MTX3: variants seen among roughly 807,000 people sequenced by gnomAD.
MTX3 encodes metaxin-3.
A neutral mutation model predicts 42.5 loss-of-function variants in MTX3; 27 were observed. That is an observed-to-expected ratio of 0.64 (90% confidence interval 0.47 to 0.88). The LOEUF (loss-of-function observed/expected upper bound fraction) is 0.88. Ranked by LOEUF, MTX3 falls within the 40% of genes least tolerant of loss-of-function variation. The pLI is 0.00. For synonymous variants in MTX3, 144 were observed against 132.9 expected (o/e 1.08, Z -0.57); for missense variants, 378 against 367.0 (o/e 1.03, Z -0.25).
rs1831568012 is a variant in MTX3, at chr5:79,989,189, T to A, written c.284A>T (p.Tyr95Phe). The A allele has an allele frequency of 1.2e-6, 2 of 1,609,310 alleles. No individual in the cohort carries two copies. The highest frequency in any genetic ancestry group is 2.7e-5 in the African/African-American group (2 of 74,808). ...AAGCTTCTCTTCGAGGAGAGCAATATAAGCCAATGTATCTGCCCCTTGTTT... is the reference window on the plus strand; with the variant it reads ...AAGCTTCTCTTCGAGGAGAGCAATAAAAGCCAATGTATCTGCCCCTTGTTT... ...SAKQGADTLA[Y>F]IALLEEKLLP... Residue 95 changes from tyrosine (Y) to phenylalanine (F), a missense_variant, in exon 4 of 9, where the codon TAT becomes TTT. Transcript: ENST00000512528.
chr5:79,987,881 T>C (rs1400837980), intron 6 of MTX3, among the ~76,000 whole-genome samples: 4 of 152,214 alleles, frequency 2.6e-5, no homozygotes, highest in Non-Finnish European at 5.9e-5. Context: ...AGTGGCGTGA[T>C]CTCAGCTCAC....
At chr5:79,990,562 C>A in intron 2 of MTX3, 32 bp downstream of exon 2, 1 of 1,369,354 alleles carries the variant, frequency 7.3e-7, no homozygotes, top group Non-Finnish European at 1.0e-6. Context: ...AAAAAGAGTG[C>A]AGAAAGGGGA....
Position 79,978,949 on chromosome 5 carries a change from C to A in MTX3, c.*4735G>T, listed in dbSNP as rs745802228. The A allele has an allele frequency of 1.3e-5, 2 of 152,630 alleles. No individual in the cohort carries two copies. Among genetic ancestry groups the A allele is most frequent in the African/African-American group, 2.4e-5 (1 of 41,442 alleles). 9.5% of individuals were successfully genotyped at this position (152,630 alleles called of 1,614,324 possible). ...TATTTTGTTCTGAATAATCTTCTAT[C>A]ACATTTCCCCTTCTATTCACAAACC... On this transcript the variant is annotated 3_prime_UTR_variant, in exon 9 of 9. Coordinates refer to ENST00000512528, the MANE Select transcript of MTX3 (RefSeq NM_001363818.2).
chr5:79,990,782 T>A, intron 1 of MTX3, 119 bp from the exon 2 acceptor site: 1 of 797,702 alleles, frequency 1.3e-6, no homozygotes, highest in Non-Finnish European at 2.2e-6. Context: ...TGAGGCCGCA[T>A]CCCTCCCCGT....
chr5:79,991,178 T>G lies in MTX3; in HGVS notation c.61A>C (p.Ser21Arg). ...CTCACCATCACCACCAGGGACTCGC[T>G]GTGAACCGATGGGAGTCCCCAGCCG... ...GGGWGLPSVH[S>R]ESLVVMAYAK... is the part of the protein sequence containing the mutation. The change falls in exon 1 of 9, where the codon AGC becomes CGC. Residue 21 changes from serine (S) to arginine (R), a missense_variant. Coordinates refer to ENST00000512528, the MANE Select transcript of MTX3 (RefSeq NM_001363818.2). 6.6e-7 allele frequency: 1 copy of G among 1,513,852 alleles called. No homozygotes were observed. Among genetic ancestry groups the G allele is most frequent in the East Asian group, 2.5e-5 (1 of 40,220 alleles). 93.8% of individuals were successfully genotyped at this position (1,513,852 alleles called of 1,614,324 possible).
intron 7 of MTX3, 127 bp from the exon 8 acceptor site, chr5:79,985,786 G>C (rs1831475490): frequency 1.6e-6 from 1 of 615,846 alleles, no homozygotes; most frequent in Non-Finnish European, 2.8e-6. Flanking sequence ...AAAAGGCAAA[G>C]AGGAAAACCA....
At chr5:79,988,036 T>G (rs1831537266) in intron 6 of MTX3, among the ~76,000 whole-genome samples, 1 of 152,146 alleles carries the variant, frequency 6.6e-6, no homozygotes, top group Non-Finnish European at 1.5e-5. Context: ...AGGTTGGTCT[T>G]GAACTTCTGG....
chr5:79,990,878 G>C (rs907912560), intron 1 of MTX3: 1 of 708,990 alleles, frequency 1.4e-6, no homozygotes, highest in Non-Finnish European at 2.6e-6. Context: ...GAGTAGGGAG[G>C]GCGCGCCCCT....
In MTX3 at chr5:79,990,670, CAG is replaced by C. The variant is rs748609140; in HGVS notation, c.82-9_82-8del. On this transcript the variant is annotated splice_polypyrimidine_tract_variant and splice_region_variant and intron_variant, in intron 1 of 8. Coordinates refer to ENST00000512528, the MANE Select transcript of MTX3 (RefSeq NM_001363818.2). ...CAGAAAATTTGGCATAAGCCTGAAA[CAG>C]AGTTTGCAATCAAACATTTTAGACC... 2.1e-5 allele frequency: 34 copies of C among 1,610,450 alleles called. No individual in the cohort carries two copies. Among genetic ancestry groups the C allele is most frequent in the African/African-American group, 2.7e-5 (2 of 74,864 alleles).
chr5:79,991,057 C>T (rs974673244), intron 1 of MTX3, 101 bp downstream of exon 1: 3 of 1,213,274 alleles, frequency 2.5e-6, no homozygotes, highest in African/African-American at 3.0e-5. Context: ...GCGGCTCGGC[C>T]CTCCTGGACC....
rs1831319554 is a variant in MTX3, at chr5:79,979,165, G to C, written c.*4519C>G. Reference sequence around the variant, plus strand: ...CCTAGCAAACACTACACCCCAACAAGAGTTTGGGAGCCAAATTATTTTGCA... The same window carrying C: ...CCTAGCAAACACTACACCCCAACAACAGTTTGGGAGCCAAATTATTTTGCA... On this transcript the variant is annotated 3_prime_UTR_variant, in exon 9 of 9. Coordinates refer to ENST00000512528, the MANE Select transcript of MTX3 (RefSeq NM_001363818.2). 1 of 152,442 alleles carries C rather than the reference G, an allele frequency of 6.6e-6. No individual in the cohort carries two copies. The allele number at this position is 152,442 out of a possible 1,614,324, so 9.4% of individuals were successfully genotyped here. A position where few individuals can be genotyped will look rare whatever the true frequency, so the allele number is the denominator to read the frequency against.
In MTX3 at chr5:79,990,195, GA is replaced by G. The variant is rs1428425475; in HGVS notation, c.192del (p.Gln65SerfsTer6). The G allele has an allele frequency of 6.2e-7, 1 of 1,609,930 alleles. No homozygotes were observed. The highest frequency in any genetic ancestry group is 2.2e-5 in the East Asian group (1 of 44,714). ...AAAAAGTTTAGTATTTTTGCTGGCT[GA>G]GAAACCATGTCGTCTTCAGTTGTCA... ...PILTTEDDMV[S>X]QPAKILNFLR... On this transcript the variant is annotated frameshift_variant, in exon 3 of 9. Transcript: ENST00000512528. LOFTEE classifies it high-confidence loss of function.
At chr5:79,990,986 G>C (rs999623012) in intron 1 of MTX3, 172 bp downstream of exon 1, 12 of 765,886 alleles carry the variant, frequency 1.6e-5, no homozygotes, top group Non-Finnish European at 2.5e-5. Flanking sequence ...GGCCTTCGGC[G>C]GGGGTATCGG....
chr5:79,980,308 T>C lies in MTX3; in HGVS notation c.*3376A>G, dbSNP rs1831343895. ...TGGTGTTTTTCCATTTTTACAGACT[T>C]CTGAAAATTTTAGCTTTGATTGAAA... On this transcript the variant is annotated 3_prime_UTR_variant, in exon 9 of 9. Coordinates refer to ENST00000512528, the MANE Select transcript of MTX3 (RefSeq NM_001363818.2). 1 of 152,224 alleles carries C rather than the reference T, an allele frequency of 6.6e-6. No homozygotes were observed. Among genetic ancestry groups the C allele is most frequent in the Non-Finnish European group, 1.5e-5 (1 of 68,042 alleles). 9.4% of individuals were successfully genotyped at this position (152,224 alleles called of 1,614,324 possible). A position where few individuals can be genotyped will look rare whatever the true frequency, so the allele number is the denominator to read the frequency against.
intron 7 of MTX3, 65 bp from the exon 8 acceptor site, chr5:79,985,724 A>G: frequency 2.5e-6 from 3 of 1,198,644 alleles, no homozygotes; most frequent in Non-Finnish European, 3.6e-6. Context: ...AGCTATTTAG[A>G]TTGAAAGAAT....
rs574003633 is a variant in MTX3 at position 79,983,305 on chromosome 5, T to C, written c.*379A>G. On this transcript the variant is annotated 3_prime_UTR_variant, in exon 9 of 9. Transcript: ENST00000512528. ...TCAGCCTGGTCTAAGAAAACTAAGT[T>C]AATAAATTGAATAAATTAAATCAAA... 9.5e-4 allele frequency: 161 copies of C among 168,976 alleles called. 4 individuals carry two copies. The South Asian group carries it at 0.023, about 25-fold the overall frequency. The allele number at this position is 168,976 out of a possible 1,614,324, so 10.5% of individuals were successfully genotyped here. A position where few individuals can be genotyped will look rare whatever the true frequency, so the allele number is the denominator to read the frequency against.
rs750622820 is a variant in MTX3, at chr5:79,983,784, T to C, written c.839A>G (p.Asn280Ser). ...AGGAAGCTGAGGGCTTTGGCGAAGA[T>C]TGTCATCCATCTGTAGAAAGTACAA... ...ESNLIEKMDD[N>S]LRQSPQLPPR... Residue 280 changes from asparagine to serine, a missense_variant, in exon 9 of 9, where the codon AAT becomes AGT. Asn to Ser is a conservative substitution (Grantham distance 46). Transcript: ENST00000512528. 18 of 1,611,762 alleles carry C rather than the reference T, an allele frequency of 1.1e-5. No homozygotes were observed. In the East Asian group the frequency reaches 1.3e-4, roughly 12 times the overall value.
At chr5:79,985,691 C>A (rs1831473765) in intron 7 of MTX3, 32 bp from the exon 8 acceptor site, 1 of 1,532,556 alleles carries the variant, frequency 6.5e-7, no homozygotes, top group South Asian at 1.2e-5. Context: ...CAGAGAAAGA[C>A]AGGAAATTTT....
intron 3 of MTX3, 59 bp downstream of exon 3, chr5:79,990,101 A>C: frequency 9.9e-7 from 1 of 1,009,684 alleles, no homozygotes. Context: ...AATAAAATAA[A>C]GCCCAACATG....
Sources: gnomAD v4.1 joint callset for allele counts (sites outside exome capture counted in the v4.1 genomes callset) on GRCh38, gnomAD v4.1.1 for gene constraint, MANE v1.5 for transcripts, NCBI Gene and HGNC (gene_info 2026-07-23, HGNC 2026-07-21) for gene names.